NPC1: variants seen among roughly 807,000 people sequenced by gnomAD.
NPC1 encodes NPC intracellular cholesterol transporter 1.
A neutral mutation model predicts 140.4 loss-of-function variants in NPC1; 85 were observed. The ratio of observed to expected loss-of-function variants is 0.61; its 90% CI spans 0.51 to 0.72. The LOEUF (loss-of-function observed/expected upper bound fraction) is 0.72, where lower values mean the gene tolerates loss of function less well. Ranked by LOEUF, NPC1 falls within the 30% of genes least tolerant of loss-of-function variation. The pLI, the probability that NPC1 is intolerant of heterozygous loss-of-function variation, is 0.00. For missense variants in NPC1, 1,504 were observed against 1,623.8 expected, an observed-to-expected ratio of 0.93 and a Z score of 1.27; for synonymous variants, 656 against 624.8, an observed-to-expected ratio of 1.05 and a Z score of -0.74.
Position 23,586,459 on chromosome 18 carries a change from G to T in NPC1, c.-116C>A. On this transcript the variant is annotated 5_prime_UTR_variant, in exon 1 of 25. The change creates a new upstream start codon in the 5' untranslated region. Coordinates refer to ENST00000269228, the MANE Select transcript of NPC1 (RefSeq NM_000271.5). ...CCCGCGCAGGAGGAGCGGAGGAGCAGGAGCAGGCGCTGACCGCGGCAGCAG... is the reference window on the plus strand; with the variant it reads ...CCCGCGCAGGAGGAGCGGAGGAGCATGAGCAGGCGCTGACCGCGGCAGCAG... 2 of 1,485,662 alleles carry T rather than the reference G, an allele frequency of 1.3e-6. No individual in the cohort carries two copies. Among genetic ancestry groups the T allele is most frequent in the Non-Finnish European group, 1.8e-6 (2 of 1,124,818 alleles). 92.0% of individuals were successfully genotyped at this position (1,485,662 alleles called of 1,614,324 possible).
chr18:23,534,751 C>A (rs1435326920), intron 22 of NPC1, among the ~76,000 whole-genome samples, 192 bp from the exon 23 acceptor site: 1 of 152,306 alleles, frequency 6.6e-6, no homozygotes, highest in Non-Finnish European at 1.5e-5. Context: ...GCCCTCTCTA[C>A]ACACAGCCAA....
At position 23,512,811 on chromosome 18, in the gene NPC1, T is replaced by G. The variant is rs188396644; in HGVS notation, c.432-6169A>C. Among the ~76,000 whole-genome samples, 9 of 152,318 alleles carry G rather than the reference T, an allele frequency of 5.9e-5. No individual in the cohort carries two copies. In the East Asian group the frequency reaches 1.7e-3, roughly 29 times the overall value. ...TGTTTTTAAGTGTTCAGTTCAGTAG[T>G]GTTAAGTATATTCATTCACATTGTT... On this transcript the variant is annotated intron_variant, in intron 3 of 3. Transcript: ENST00000591107.
chr18:23,586,174 CAG>C, intron 1 of NPC1, 111 bp downstream of exon 1: 1 of 1,185,806 alleles, frequency 8.4e-7, no homozygotes, highest in Non-Finnish European at 1.2e-6. Context: ...TCTCCATCGC[CAG>C]ACCAACTTCC....
chr18:23,531,421 A>G, downstream of NPC1: 3 of 1,103,150 alleles, frequency 2.7e-6, no homozygotes, highest in South Asian at 3.9e-5. Context: ...TTTAGTTACC[A>G]TAAGGACAGG....
intron 2 of NPC1, among the ~76,000 whole-genome samples, chr18:23,572,912 C>T (rs1475314230): frequency 5.9e-5 from 9 of 152,208 alleles, no homozygotes; most frequent in Non-Finnish European, 1.2e-4. Context: ...CTTTTGATTA[C>T]TTTAAGCCTC....
chr18:23,580,812 G>A (rs1178350471), intron 1 of NPC1, among the ~76,000 whole-genome samples: 1 of 152,238 alleles, frequency 6.6e-6, no homozygotes, highest in African/African-American at 2.4e-5. Context: ...TAAGCTGCCT[G>A]CTGCTTCTTT....
downstream of NPC1, among the ~76,000 whole-genome samples, chr18:23,526,382 T>C (rs1449694624): frequency 6.6e-6 from 1 of 152,200 alleles, no homozygotes; most frequent in East Asian, 1.9e-4. Flanking sequence ...TGCCCCTGAA[T>C]GCAGAGGTTA....
At chr18:23,545,191 T>C in intron 11 of NPC1, 42 bp from the exon 12 acceptor site, 1 of 1,417,966 alleles carries the variant, frequency 7.1e-7, no homozygotes, top group Non-Finnish European at 1.0e-6. Flanking sequence ...TTAAACTAAC[T>C]GACAGCTAAG....
intron 1 of NPC1, among the ~76,000 whole-genome samples, chr18:23,586,015 G>T (rs991290146): frequency 1.3e-5 from 2 of 152,144 alleles, no homozygotes; most frequent in African/African-American, 4.8e-5. Context: ...CCTTCTTCTG[G>T]TGCCACATCC....
intron 1 of NPC1, among the ~76,000 whole-genome samples, chr18:23,574,904 G>A (rs983705046): frequency 6.6e-6 from 1 of 152,174 alleles, no homozygotes; most frequent in African/African-American, 2.4e-5. Flanking sequence ...AAAAAGAAAC[G>A]TATTGCAACT....
chr18:23,524,767 G>A (rs898206120), downstream of NPC1, among the ~76,000 whole-genome samples: 2 of 151,630 alleles, frequency 1.3e-5, no homozygotes, highest in Admixed American at 6.6e-5. Flanking sequence ...ATGGAAAGCC[G>A]GACTCCACCC....
rs760902809 is a variant in NPC1 at position 23,541,223 on chromosome 18, G to A, written c.2374-15C>T. On this transcript the variant is annotated splice_polypyrimidine_tract_variant and intron_variant, in intron 15 of 24. Transcript: ENST00000269228. The stretch of plus-strand genomic sequence containing the variant: ...AGCCGATTTTTCTGAGGGGACAGAG[G>A]GAAACAAAGGTTATACCCGCTAGCT... 1.2e-6 allele frequency: 2 copies of A among 1,614,000 alleles called. No individual in the cohort carries two copies. Among genetic ancestry groups the A allele is most frequent in the African/African-American group, 1.3e-5 (1 of 74,902 alleles).
chr18:23,544,634 T>C, intron 12 of NPC1, 108 bp from the exon 13 acceptor site: 2 of 995,424 alleles, frequency 2.0e-6, no homozygotes. Flanking sequence ...AAACCTAGAG[T>C]TGAATGTACA....
At chr18:23,518,979 G>T, downstream of NPC1, 4 of 1,614,066 alleles carry the variant, frequency 2.5e-6, no homozygotes, top group Non-Finnish European at 3.4e-6. Flanking sequence ...CATCTACCAC[G>T]GTAGATTTCA....
chr18:23,515,740 C>G, intron 3 of NPC1: 1 of 1,200,562 alleles, frequency 8.3e-7, no homozygotes, highest in South Asian at 1.3e-5. Flanking sequence ...ACCATTTTGT[C>G]CAGGCTGGTC....
chr18:23,539,271 C>G (rs2058677100), intron 19 of NPC1, 84 bp downstream of exon 19: 2 of 902,132 alleles, frequency 2.2e-6, no homozygotes, highest in Non-Finnish European at 3.6e-6. Context: ...TAGGTATAAA[C>G]TGAGGCACGA....
intron 22 of NPC1, 92 bp from the exon 23 acceptor site, chr18:23,534,651 G>T: frequency 1.0e-6 from 1 of 973,220 alleles, no homozygotes; most frequent in Non-Finnish European, 1.6e-6. Flanking sequence ...AATTACCCAG[G>T]GCACCCTGGG....
At chr18:23,575,760 A>G (rs2472604) in intron 1 of NPC1, among the ~76,000 whole-genome samples, 1 of 138,772 alleles carries the variant, frequency 7.2e-6, no homozygotes, top group Non-Finnish European at 1.5e-5. Flanking sequence ...GAGACACAGC[A>G]GAGAAGACCA....
chr18:23,531,049 C>T (rs528354263), downstream of NPC1, among the ~76,000 whole-genome samples: 7 of 152,026 alleles, frequency 4.6e-5, 1 homozygote, highest in South Asian at 1.2e-3. Flanking sequence ...GGCTGGAGTG[C>T]AGTGGTGTGA....
Sources: gnomAD v4.1 joint callset for allele counts (sites outside exome capture counted in the v4.1 genomes callset) on GRCh38, gnomAD v4.1.1 for gene constraint, MANE v1.5 for transcripts, NCBI Gene and HGNC (gene_info 2026-07-23, HGNC 2026-07-21) for gene names.